The following COX7B2 variants were observed in gnomAD, a reference collection of about 807,000 sequenced individuals.
COX7B2 encodes cytochrome c oxidase subunit 7B2, mitochondrial.
For missense variants in COX7B2, 109 were observed against 95.9 expected (o/e 1.14, Z -0.57); for synonymous variants, 37 against 32.1 (o/e 1.15, Z -0.51).
At chr4:46,880,993 T>TTAAA (rs1286810017) in intron 1 of COX7B2, among the ~76,000 whole-genome samples, 4 of 102,844 alleles carry the variant, frequency 3.9e-5, no homozygotes, top group Non-Finnish European at 7.9e-5. Context: ...TAGAGTATAA[T>TTAAA]AAAAAAAAAA....
Position 46,780,755 on chromosome 4 carries a change from T to C in COX7B2, c.-49-45514A>G, listed in dbSNP as rs187993138. On this transcript the variant is annotated intron_variant, in intron 2 of 2. Transcript: ENST00000355591. ...CCATAAAAAGACTAACTTTGGCTCC[T>C]ATTTTTAATCTATTTGAACAACTGT... Among the ~76,000 whole-genome samples, 187 of 152,328 alleles carry C rather than the reference T, an allele frequency of 1.2e-3. 1 individual carries two copies. The highest frequency in any genetic ancestry group is 4.3e-3 in the African/African-American group (177 of 41,588).
intron 2 of COX7B2, among the ~76,000 whole-genome samples, chr4:46,741,039 C>G (rs1714673896): frequency 6.6e-6 from 1 of 152,024 alleles, no homozygotes; most frequent in African/African-American, 2.4e-5. Context: ...GAGGCATCTT[C>G]AAAAGGATTT....
Position 46,848,469 on chromosome 4 carries a change from T to A in COX7B2, c.-104-3455A>T, listed in dbSNP as rs534385201. On this transcript the variant is annotated intron_variant, in intron 1 of 2. Transcript: ENST00000355591. ...CTATAATTTGGATGCAAACTTATGCTATTTTTACTGTTGTACAAAAACTGT... is the reference window on the plus strand; with the variant it reads ...CTATAATTTGGATGCAAACTTATGCAATTTTTACTGTTGTACAAAAACTGT... Among the ~76,000 whole-genome samples, 8 of 152,234 alleles carry A rather than the reference T, an allele frequency of 5.3e-5. No individual in the cohort carries two copies. In the South Asian group the frequency reaches 1.7e-3, roughly 32 times the overall value.
chr4:46,773,676 G>T (rs1253580081), intron 2 of COX7B2, among the ~76,000 whole-genome samples: 1 of 152,106 alleles, frequency 6.6e-6, no homozygotes. Context: ...CTTGACTGTT[G>T]CCTTGCTGGA....
rs71654851 is a variant in COX7B2 at position 46,812,370 on chromosome 4, TAA to T, written c.-50+32588_-50+32589del. On this transcript the variant is annotated intron_variant, in intron 2 of 2. Coordinates refer to ENST00000355591, the MANE Select transcript of COX7B2 (RefSeq NM_130902.3). ...CACCAGCATGGATCTGAATAAAAAT[TAA>T]AAAAAAAAAAGAAGTCCTACAGAGG... is the stretch of plus-strand genomic sequence containing the variant. Among the ~76,000 whole-genome samples, 26 of 148,498 alleles carry T rather than the reference TAA, an allele frequency of 1.8e-4. 1 individual carries two copies. Among genetic ancestry groups the T allele is most frequent in the East Asian group, 5.9e-4 (3 of 5,052 alleles).
intron 1 of COX7B2, among the ~76,000 whole-genome samples, chr4:46,906,388 A>AT (rs1417199921): frequency 6.6e-6 from 1 of 151,884 alleles, no homozygotes; most frequent in Non-Finnish European, 1.5e-5. Context: ...CTTGAATAGC[A>AT]TTTTTTTCTG....
At chr4:46,782,090 C>G (rs541659139) in intron 2 of COX7B2, among the ~76,000 whole-genome samples, 2 of 152,288 alleles carry the variant, frequency 1.3e-5, no homozygotes, top group South Asian at 4.1e-4. Flanking sequence ...GGCCCCTGCG[C>G]AGGATCCACT....
intron 2 of COX7B2, among the ~76,000 whole-genome samples, chr4:46,832,788 A>T (rs1480414404): frequency 1.3e-5 from 2 of 152,066 alleles, no homozygotes; most frequent in Non-Finnish European, 2.9e-5. Context: ...TCCTGCTCTC[A>T]CCGTGTGACC....
chr4:46,830,939 C>G (rs986209641), intron 2 of COX7B2, among the ~76,000 whole-genome samples: 1 of 152,230 alleles, frequency 6.6e-6, no homozygotes, highest in African/African-American at 2.4e-5. Flanking sequence ...CCACTCTGGC[C>G]GCACTTGAGG....
At chr4:46,896,416 A>C (rs7678824) in intron 1 of COX7B2, among the ~76,000 whole-genome samples, 20,313 of 152,224 alleles carry the variant, frequency 0.13, 1,474 homozygotes, top group South Asian at 0.25. Flanking sequence ...AATGCAATAA[A>C]TAATTAAAGC....
intron 2 of COX7B2, among the ~76,000 whole-genome samples, chr4:46,836,901 T>G (rs923509940): frequency 2.0e-5 from 3 of 152,124 alleles, no homozygotes; most frequent in Non-Finnish European, 4.4e-5. Context: ...GCGATCACTG[T>G]CACATATGCA....
intron 1 of COX7B2, among the ~76,000 whole-genome samples, chr4:46,847,796 T>C (rs1251587533): frequency 6.6e-6 from 1 of 151,822 alleles, no homozygotes; most frequent in Non-Finnish European, 1.5e-5. Context: ...CAGAGAGGAA[T>C]AGACAAAAAT....
At chr4:46,879,392 G>A (rs1203371343) in intron 1 of COX7B2, among the ~76,000 whole-genome samples, 1 of 151,200 alleles carries the variant, frequency 6.6e-6, no homozygotes, top group East Asian at 2.0e-4. Flanking sequence ...ATCACGGCTC[G>A]CTGCCCTGCT....
chr4:46,896,178 T>C (rs1560443046), intron 1 of COX7B2, among the ~76,000 whole-genome samples: 1 of 152,188 alleles, frequency 6.6e-6, no homozygotes, highest in Non-Finnish European at 1.5e-5. Flanking sequence ...ACTCATATTT[T>C]ATTCTTACCT....
At chr4:46,907,192 G>A (rs1251293377) in intron 1 of COX7B2, among the ~76,000 whole-genome samples, 2 of 152,062 alleles carry the variant, frequency 1.3e-5, no homozygotes, top group African/African-American at 4.8e-5. Context: ...CCAATCCTAT[G>A]ACATACAACA....
intron 2 of COX7B2, among the ~76,000 whole-genome samples, chr4:46,807,508 T>C (rs1275532023): frequency 6.6e-6 from 1 of 151,932 alleles, no homozygotes; most frequent in Non-Finnish European, 1.5e-5. Flanking sequence ...GTTTTTTTAG[T>C]TTGATGTAGT....
At chr4:46,881,208 T>C (rs1396516096) in intron 1 of COX7B2, among the ~76,000 whole-genome samples, 2 of 151,998 alleles carry the variant, frequency 1.3e-5, no homozygotes, top group Non-Finnish European at 2.9e-5. Flanking sequence ...GTGCCCAAGG[T>C]GGTCAGGGCA....
chr4:46,836,188 C>T (rs1715500539), intron 2 of COX7B2, among the ~76,000 whole-genome samples: 1 of 152,064 alleles, frequency 6.6e-6, no homozygotes, highest in South Asian at 2.1e-4. Context: ...AAATTTCTTT[C>T]TTCAATAATA....
At position 46,895,074 on chromosome 4, in the gene COX7B2, C is replaced by T. The variant is rs192849647; in HGVS notation, c.-105+14086G>A. On this transcript the variant is annotated intron_variant, in intron 1 of 2. Coordinates refer to ENST00000355591, the MANE Select transcript of COX7B2 (RefSeq NM_130902.3). ...TTAGTTCAACCATTGTGGAAAGCAG[C>T]GTTGCGATTCCTCAAAGAGCTAAAA... Among the ~76,000 whole-genome samples, 367 of 152,184 alleles carry T rather than the reference C, an allele frequency of 2.4e-3. 2 individuals are homozygous for T. The highest frequency in any genetic ancestry group is 8.4e-3 in the African/African-American group (349 of 41,514).
Sources: gnomAD v4.1 joint callset for allele counts (sites outside exome capture counted in the v4.1 genomes callset) on GRCh38, gnomAD v4.1.1 for gene constraint, MANE v1.5 for transcripts, NCBI Gene and HGNC (gene_info 2026-07-23, HGNC 2026-07-21) for gene names.